WWOX: variants seen among roughly 807,000 people sequenced by gnomAD.
WWOX encodes WW domain-containing oxidoreductase.
Under a neutral mutation model 46.2 loss-of-function variants are expected in WWOX, and 69 were observed. The ratio of observed to expected loss-of-function variants is 1.49; its 90% CI spans 1.23 to 1.82. The LOEUF (loss-of-function observed/expected upper bound fraction) is 1.82. WWOX is among the 40% of genes most tolerant of loss of function. The probability of loss-of-function intolerance (pLI) is 0.00; values close to 1 mark genes in which losing one functional copy is unlikely to be tolerated. For synonymous variants in WWOX, 359 were observed against 202.6 expected (o/e 1.77, Z -6.56); for missense variants, 919 against 542.6 (o/e 1.69, Z -6.89).
intron 8 of WWOX, among the ~76,000 whole-genome samples, chr16:79,115,568 C>T (rs1260330817): frequency 1.3e-5 from 2 of 152,182 alleles, no homozygotes; most frequent in East Asian, 3.9e-4. Context: ...TCAAAACAAG[C>T]CAGTAATTCA....
At chr16:78,328,896 C>G (rs2080695576) in intron 5 of WWOX, among the ~76,000 whole-genome samples, 2 of 151,918 alleles carry the variant, frequency 1.3e-5, no homozygotes, top group Admixed American at 1.3e-4. Flanking sequence ...CAGTCTTGCT[C>G]TGTCTTCCAG....
intron 5 of WWOX, among the ~76,000 whole-genome samples, chr16:78,257,746 A>T (rs752876007): frequency 6.6e-6 from 1 of 152,094 alleles, no homozygotes; most frequent in Non-Finnish European, 1.5e-5. Context: ...AACGATTATC[A>T]CTCATGCTCT....
At chr16:78,402,967 C>G (rs936662406) in intron 6 of WWOX, among the ~76,000 whole-genome samples, 1 of 152,132 alleles carries the variant, frequency 6.6e-6, no homozygotes, top group African/African-American at 2.4e-5. Flanking sequence ...TCCCAGGGCC[C>G]AGAAAGTCCC....
intron 5 of WWOX, among the ~76,000 whole-genome samples, chr16:78,266,791 T>C (rs1283487881): frequency 9.8e-5 from 8 of 81,352 alleles, no homozygotes; most frequent in African/African-American, 4.3e-4. Flanking sequence ...TCTTCTATTC[T>C]CTCTCTCTCT....
chr16:78,575,505 T>C (rs2044855593), intron 8 of WWOX, among the ~76,000 whole-genome samples: 1 of 151,996 alleles, frequency 6.6e-6, no homozygotes. Context: ...AAGGCACAAA[T>C]CGTCTGATTT....
At chr16:79,126,514 C>T (rs1032233060) in intron 8 of WWOX, among the ~76,000 whole-genome samples, 1 of 152,134 alleles carries the variant, frequency 6.6e-6, no homozygotes, top group African/African-American at 2.4e-5. Flanking sequence ...CTCCCTCCTG[C>T]CGCCTTGTGA....
In WWOX at chr16:78,342,109, A is replaced by G. The variant is rs4544252; in HGVS notation, c.517-44751A>G. 5.0e-3 allele frequency among the ~76,000 whole-genome samples: 607 copies of G among 121,412 alleles called. 128 individuals carry two copies. Among genetic ancestry groups the G allele is most frequent in the African/African-American group, 0.016 (563 of 35,890 alleles). 79.7% of individuals were successfully genotyped at this position (121,412 alleles called of 152,430 possible). ...CTAATTTAGGCAGCAGAATGAGACT[A>G]TGTCTCAAGAAAATGTTCAAGAAGA... On this transcript the variant is annotated intron_variant, in intron 5 of 8. Transcript: ENST00000566780.
intron 8 of WWOX, among the ~76,000 whole-genome samples, chr16:78,971,322 G>T (rs919969957): frequency 6.6e-6 from 1 of 151,744 alleles, no homozygotes; most frequent in Non-Finnish European, 1.5e-5. Context: ...AAATTAGGTG[G>T]CAGGCACTTG....
chr16:78,635,881 C>T lies in WWOX; in HGVS notation c.1056+203129C>T, dbSNP rs890079877. 3.9e-5 allele frequency among the ~76,000 whole-genome samples: 6 copies of T among 152,128 alleles called. No homozygotes were observed. The East Asian group carries it at 7.7e-4, about 20-fold the overall frequency. On this transcript the variant is annotated intron_variant, in intron 8 of 8. Coordinates refer to ENST00000566780, the MANE Select transcript of WWOX (RefSeq NM_016373.4). ...GTGGCCATTGGAGGGGAAAAAGATGCTTTGGAAACCAGGACACAGAGAAAA... is the reference window on the plus strand; with the variant it reads ...GTGGCCATTGGAGGGGAAAAAGATGTTTTGGAAACCAGGACACAGAGAAAA...
intron 8 of WWOX, among the ~76,000 whole-genome samples, chr16:78,646,838 C>T (rs1268466182): frequency 2.0e-5 from 3 of 152,306 alleles, no homozygotes; most frequent in East Asian, 3.9e-4. Flanking sequence ...TATCTCCCAT[C>T]AGCCGAAACT....
intron 8 of WWOX, among the ~76,000 whole-genome samples, chr16:79,035,109 T>C (rs1207152297): frequency 6.6e-6 from 1 of 152,210 alleles, no homozygotes; most frequent in South Asian, 2.1e-4. Context: ...AATACACTTT[T>C]TTCAAGAAAA....
At chr16:79,100,927 T>C (rs1008868769) in intron 8 of WWOX, among the ~76,000 whole-genome samples, 2 of 151,932 alleles carry the variant, frequency 1.3e-5, no homozygotes, top group African/African-American at 4.8e-5. Context: ...CGGGGTTTTC[T>C]CCATAGGGGT....
chr16:78,619,910 A>G (rs2046135628), intron 8 of WWOX, among the ~76,000 whole-genome samples: 1 of 152,096 alleles, frequency 6.6e-6, no homozygotes, highest in African/African-American at 2.4e-5. Flanking sequence ...TCCAAAATAA[A>G]TAAATAAATA....
chr16:78,733,975 C>G (rs1179433784), intron 8 of WWOX, among the ~76,000 whole-genome samples: 1 of 150,436 alleles, frequency 6.6e-6, no homozygotes, highest in Non-Finnish European at 1.5e-5. Context: ...CGGGAGGATC[C>G]TCTGCACCCA....
At chr16:78,184,140 C>T (rs985208314) in intron 5 of WWOX, among the ~76,000 whole-genome samples, 12 of 152,120 alleles carry the variant, frequency 7.9e-5, no homozygotes, top group African/African-American at 9.7e-5. Context: ...CCTCAGCAGC[C>T]GCAGCCACTT....
At chr16:78,413,050 G>A (rs1472339420) in intron 6 of WWOX, among the ~76,000 whole-genome samples, 4 of 152,194 alleles carry the variant, frequency 2.6e-5, no homozygotes, top group Non-Finnish European at 4.4e-5. Context: ...AGAGGAAAAT[G>A]TAACCACCTA....
chr16:78,761,976 C>G (rs369356060), intron 8 of WWOX, among the ~76,000 whole-genome samples: 82 of 152,242 alleles, frequency 5.4e-4, no homozygotes, highest in African/African-American at 1.9e-3. Context: ...GTTTGAGAAA[C>G]TGTGCAGTGA....
At chr16:78,590,869 C>T (rs1292743352) in intron 8 of WWOX, among the ~76,000 whole-genome samples, 1 of 152,100 alleles carries the variant, frequency 6.6e-6, no homozygotes, top group African/African-American at 2.4e-5. Flanking sequence ...AGCTCAGACT[C>T]CAGCGTTTAG....
At chr16:78,421,373 C>T (rs1477207083) in intron 6 of WWOX, among the ~76,000 whole-genome samples, 1 of 152,104 alleles carries the variant, frequency 6.6e-6, no homozygotes, top group African/African-American at 2.4e-5. Flanking sequence ...CTAATCTCTG[C>T]CTCTGTCTTT....
Sources: gnomAD v4.1 joint callset for allele counts (sites outside exome capture counted in the v4.1 genomes callset) on GRCh38, gnomAD v4.1.1 for gene constraint, MANE v1.5 for transcripts, NCBI Gene and HGNC (gene_info 2026-07-23, HGNC 2026-07-21) for gene names.